SET: variants seen among roughly 807,000 people sequenced by gnomAD.
The protein encoded by SET is SET nuclear proto-oncogene.
In SET, 4 loss-of-function variants were observed where a neutral mutation model predicts 39.0. That is an observed-to-expected ratio of 0.10 (90% CI 0.05 to 0.23). SET has a LOEUF of 0.23. Ranked by LOEUF, SET falls within the 10% of genes least tolerant of loss-of-function variation. SET has a pLI of 1.00. For missense variants in SET, 137 were observed against 329.7 expected (o/e 0.42, Z 4.53); for synonymous variants, 114 against 115.9 (o/e 0.98, Z 0.11).
intron 1 of SET, chr9:128,690,198 T>G (rs1466588416): frequency 6.5e-6 from 1 of 154,260 alleles, no homozygotes; most frequent in Non-Finnish European, 1.4e-5. Context: ...GCGCTGGGCC[T>G]TGGCCGGCCG....
rs772066011 is a variant in SET at position 128,693,913 on chromosome 9, TGAAGAA to T, written c.683_688del (p.Glu228_Glu229del). 1.2e-5 allele frequency: 19 copies of T among 1,596,726 alleles called. No individual in the cohort carries two copies. Among genetic ancestry groups the T allele is most frequent in the Non-Finnish European group, 1.5e-5 (18 of 1,168,260 alleles). ...TTTTTAAGGTTCCCGATATGGATGA[TGAAGAA>T]GGAGAAGGAGAAGAAGATGATGATG... On this transcript the variant is annotated inframe_deletion, in exon 7 of 8. Coordinates refer to ENST00000322030, the MANE Select transcript of SET (RefSeq NM_003011.4).
chr9:128,688,513 G>A (rs1476205316), upstream of SET, among the ~76,000 whole-genome samples: 4 of 152,180 alleles, frequency 2.6e-5, no homozygotes. Context: ...TCTTGCGGGC[G>A]CTGGGCACCG....
At chr9:128,693,854 G>C in intron 6 of SET, 42 bp from the exon 7 acceptor site, 2 of 1,599,186 alleles carry the variant, frequency 1.3e-6, no homozygotes, top group Non-Finnish European at 1.7e-6. Context: ...TGTCTCGGTT[G>C]TTTAAAAATG....
chr9:128,689,811 T>G, intron 1 of SET, among the ~76,000 whole-genome samples, 156 bp downstream of exon 1: 2 of 142,624 alleles, frequency 1.4e-5, no homozygotes, highest in East Asian at 2.1e-4. Context: ...GCGCCCTTTT[T>G]TGTGCGCGGC....
In SET at chr9:128,693,648, A is replaced by C; in HGVS notation, c.503A>C (p.Lys168Thr). The stretch of plus-strand genomic sequence containing the variant: ...CCGGTATTCATTTAGGATTTGACGA[A>C]ACGTTCGAGTCAAACGCAGAATAAA... ...IKWKSGKDLT[K>T]RSSQTQNKAS... The change falls in exon 6 of 8, where the codon AAA becomes ACA. Residue 168 changes from lysine to threonine, a missense_variant. Lys to Thr is a moderately conservative substitution (Grantham distance 78). This residue lies in a region of SET where 59 missense variants were observed against 237.2 expected (regional missense o/e 0.25). Transcript: ENST00000322030. 3 of 1,610,918 alleles carry C rather than the reference A, an allele frequency of 1.9e-6. No individual in the cohort carries two copies. Among genetic ancestry groups the C allele is most frequent in the Non-Finnish European group, 2.5e-6 (3 of 1,178,894 alleles).
chr9:128,691,098 T>C, intron 1 of SET, 72 bp from the exon 2 acceptor site: 2 of 1,176,886 alleles, frequency 1.7e-6, no homozygotes, highest in Non-Finnish European at 2.5e-6. Flanking sequence ...GCTTTTGGAA[T>C]ATTATAGTAT....
In SET at chr9:128,695,000, C is replaced by G. The variant is rs1273981965; in HGVS notation, c.*336C>G. The G allele has an allele frequency of 3.8e-6, 1 of 262,244 alleles. No individual in the cohort carries two copies. The highest frequency in any genetic ancestry group is 7.2e-6 in the Non-Finnish European group (1 of 138,406). 16.2% of individuals were successfully genotyped at this position (262,244 alleles called of 1,614,324 possible). On this transcript the variant is annotated 3_prime_UTR_variant, in exon 8 of 8. Coordinates refer to ENST00000322030, the MANE Select transcript of SET (RefSeq NM_003011.4). Reference sequence around the variant, plus strand: ...TCGCTCTGCTGGAAGCTGGAGGGTGCTAGGCCCCTGTGTAGTAGTGCATAG... The same window carrying G: ...TCGCTCTGCTGGAAGCTGGAGGGTGGTAGGCCCCTGTGTAGTAGTGCATAG...
chr9:128,694,134 C>G, intron 7 of SET, 92 bp downstream of exon 7: 1 of 1,102,266 alleles, frequency 9.1e-7, no homozygotes, highest in South Asian at 2.3e-5. Context: ...TGTGGTAGAA[C>G]TGACCAGAAC....
At chr9:128,692,145 G>T in intron 3 of SET, 145 bp downstream of exon 3, 2 of 951,880 alleles carry the variant, frequency 2.1e-6, no homozygotes, top group Non-Finnish European at 3.1e-6. Context: ...CCAGCACTTT[G>T]GGAGGCCGAG....
At position 128,689,529 on chromosome 9, in the gene SET, T is replaced by A; in HGVS notation, c.-54T>A. The A allele has an allele frequency of 1.1e-6, 1 of 909,246 alleles. No homozygotes were observed. Among genetic ancestry groups the A allele is most frequent in the Non-Finnish European group, 1.5e-6 (1 of 663,722 alleles). 56.3% of individuals were successfully genotyped at this position (909,246 alleles called of 1,614,324 possible). A position where few individuals can be genotyped will look rare whatever the true frequency, so the allele number is the denominator to read the frequency against. ...AGGGGAAGCCGCTTGCCCGCCCCCT[T>A]CGCCTTCCCTTCTCTCCCCCTCCCC... On this transcript the variant is annotated 5_prime_UTR_variant, in exon 1 of 8. Transcript: ENST00000322030.
Position 128,689,375 on chromosome 9 carries a change from C to G in SET, c.-208C>G, listed in dbSNP as rs1375613046. 1.8e-5 allele frequency: 18 copies of G among 1,004,678 alleles called. No individual in the cohort carries two copies. Among genetic ancestry groups the G allele is most frequent in the Middle Eastern group, 4.3e-4 (1 of 2,336 alleles). 62.2% of individuals were successfully genotyped at this position (1,004,678 alleles called of 1,614,324 possible). A position where few individuals can be genotyped will look rare whatever the true frequency, so the allele number is the denominator to read the frequency against. On this transcript the variant is annotated 5_prime_UTR_variant, in exon 1 of 8. Coordinates refer to ENST00000322030, the MANE Select transcript of SET (RefSeq NM_003011.4). Reference sequence around the variant, plus strand: ...CAGGAGCCCGGGCCGGGGCCCGGCACGCCGCCCCAGCCCGTCCCTCGGCGT... The same window carrying G: ...CAGGAGCCCGGGCCGGGGCCCGGCAGGCCGCCCCAGCCCGTCCCTCGGCGT...
chr9:128,687,228 G>A (rs931766731), upstream of SET, among the ~76,000 whole-genome samples: 15 of 151,622 alleles, frequency 9.9e-5, no homozygotes, highest in African/African-American at 3.6e-4. Context: ...GCATGGTAGT[G>A]GGCGCCTGTA....
chr9:128,689,946 C>T, intron 1 of SET: 1 of 382,726 alleles, frequency 2.6e-6, no homozygotes, highest in Non-Finnish European at 3.6e-6. Flanking sequence ...TCTCCTCCCC[C>T]TCCCTCCCTC....
Position 128,689,224 on chromosome 9 carries a change from C to T in SET, c.-359C>T. On this transcript the variant is annotated 5_prime_UTR_variant, in exon 1 of 8. Coordinates refer to ENST00000322030, the MANE Select transcript of SET (RefSeq NM_003011.4). ...GCGCGCCTGCGCCCTGCGCCCGCCC[C>T]TCGCCGTAGGAGGAGGTGGAGGAGG... The T allele has an allele frequency of 3.0e-6, 3 of 996,612 alleles. No individual in the cohort carries two copies. The highest frequency in any genetic ancestry group is 3.6e-6 in the Non-Finnish European group (3 of 836,724). 61.7% of individuals were successfully genotyped at this position (996,612 alleles called of 1,614,324 possible). A position where few individuals can be genotyped will look rare whatever the true frequency, so the allele number is the denominator to read the frequency against.
intron 1 of SET, 91 bp downstream of exon 1, chr9:128,689,746 C>T (rs1861436041): frequency 5.9e-6 from 1 of 170,106 alleles, no homozygotes; most frequent in African/African-American, 2.5e-5. Context: ...GGGGCGCGCG[C>T]GGGGGGCGCC....
At chr9:128,688,954 C>G (rs1861382965), upstream of SET, among the ~76,000 whole-genome samples, 1 of 151,682 alleles carries the variant, frequency 6.6e-6, no homozygotes, top group South Asian at 2.1e-4. Flanking sequence ...GCACCCGCGC[C>G]TCCGTGCGAC....
chr9:128,686,029 CA>C (rs563113705), upstream of SET, among the ~76,000 whole-genome samples: 43 of 139,886 alleles, frequency 3.1e-4, no homozygotes, highest in Middle Eastern at 3.6e-3. Context: ...ACAACAACAA[CA>C]AAAAAAAAAA....
chr9:128,685,653 T>C (rs549855127), upstream of SET, among the ~76,000 whole-genome samples: 199 of 152,326 alleles, frequency 1.3e-3, 1 homozygote, highest in Non-Finnish European at 2.2e-3. Flanking sequence ...TTTTTTGGTC[T>C]GTGCTTGGGA....
chr9:128,692,472 G>A (rs948773414), intron 3 of SET, 190 bp from the exon 4 acceptor site: 4 of 476,290 alleles, frequency 8.4e-6, no homozygotes, highest in Non-Finnish European at 1.5e-5. Context: ...TTCTGTTTAG[G>A]AGAAGCTATA....
Sources: gnomAD v4.1 joint callset for allele counts (sites outside exome capture counted in the v4.1 genomes callset) on GRCh38, gnomAD v4.1.1 for gene constraint, gnomAD v4.1.1 regional missense constraint, MANE v1.5 for transcripts, NCBI Gene and HGNC (gene_info 2026-07-23, HGNC 2026-07-21) for gene names.